IL33: variants seen among roughly 807,000 people sequenced by gnomAD.
The protein encoded by IL33 is interleukin 33.
A neutral mutation model predicts 27.3 loss-of-function variants in IL33; 37 were observed. That is an observed-to-expected ratio of 1.36 (90% confidence interval 1.04 to 1.78). The LOEUF is 1.78. IL33 is among the 40% of genes most tolerant of loss of function. The pLI is 0.00. For missense variants in IL33, 406 were observed against 311.4 expected, an observed-to-expected ratio of 1.30 and a Z score of -2.29; for synonymous variants, 132 against 102.9, an observed-to-expected ratio of 1.28 and a Z score of -1.71.
rs113609242 is a variant in IL33 at position 6,254,555 on chromosome 9, TA to T, written c.612+14del. On this transcript the variant is annotated splice_donor_region_variant and intron_variant, in intron 7 of 7. Coordinates refer to ENST00000682010, the MANE Select transcript of IL33 (RefSeq NM_033439.4). ...AACAACAAGGAACACTCTGTGGAGG[TA>T]AAAAAAAAAAATTTATCTATATCTA... is the stretch of plus-strand genomic sequence containing the variant. 52,725 of 1,190,654 alleles carry T rather than the reference TA, an allele frequency of 0.044. 68 individuals are homozygous for T. Among genetic ancestry groups the T allele is most frequent in the South Asian group, 0.048 (2,857 of 59,344 alleles). The allele number at this position is 1,190,654 out of a possible 1,614,324, so 73.8% of individuals were successfully genotyped here.
Position 6,256,999 on chromosome 9 carries a change from A to T in IL33, c.*831A>T, listed in dbSNP as rs1816772136. On this transcript the variant is annotated 3_prime_UTR_variant, in exon 8 of 8. Transcript: ENST00000682010. Reference sequence around the variant, plus strand: ...CATGCTAAAACTTTTTTTTTTTTAAAGAGTACTGAGTCACAACATGTTTTA... The same window carrying T: ...CATGCTAAAACTTTTTTTTTTTTAATGAGTACTGAGTCACAACATGTTTTA... 6.6e-6 allele frequency: 1 copy of T among 151,918 alleles called. No homozygotes were observed. The highest frequency in any genetic ancestry group is 6.6e-5 in the Admixed American group (1 of 15,252). The allele number at this position is 151,918 out of a possible 1,614,324, so 9.4% of individuals were successfully genotyped here. A position where few individuals can be genotyped will look rare whatever the true frequency, so the allele number is the denominator to read the frequency against.
At chr9:6,247,369 G>C (rs1010313624) in intron 2 of IL33, among the ~76,000 whole-genome samples, 2 of 152,158 alleles carry the variant, frequency 1.3e-5, no homozygotes, top group Non-Finnish European at 2.9e-5. Flanking sequence ...GACAGGTCAA[G>C]GGTAGTAAGC....
intron 1 of IL33, among the ~76,000 whole-genome samples, chr9:6,239,066 G>C (rs1193146201): frequency 1.3e-5 from 2 of 152,158 alleles, no homozygotes; most frequent in East Asian, 3.9e-4. Context: ...AAAGAAACCA[G>C]CTAGGCAAAT....
chr9:6,217,107 G>C (rs1237539531), intron 1 of IL33, among the ~76,000 whole-genome samples: 1 of 152,020 alleles, frequency 6.6e-6, no homozygotes, highest in Non-Finnish European at 1.5e-5. Flanking sequence ...GTGAAAAATG[G>C]TCCTCGTGTA....
intron 2 of IL33, among the ~76,000 whole-genome samples, chr9:6,244,020 A>C (rs1819686368): frequency 1.3e-5 from 2 of 152,208 alleles, no homozygotes; most frequent in African/African-American, 4.8e-5. Context: ...ACAGTGACTC[A>C]GTGACTTTGC....
chr9:6,231,160 C>G (rs1469596901), intron 1 of IL33, among the ~76,000 whole-genome samples: 1 of 152,218 alleles, frequency 6.6e-6, no homozygotes, highest in Non-Finnish European at 1.5e-5. Flanking sequence ...CTGTTTCTCA[C>G]ATGATAGTCA....
chr9:6,217,130 A>G (rs1004152550), intron 1 of IL33, among the ~76,000 whole-genome samples: 3 of 152,042 alleles, frequency 2.0e-5, no homozygotes, highest in Non-Finnish European at 4.4e-5. Context: ...CACTGAGTCT[A>G]TTTCTGGGTG....
chr9:6,238,078 C>A (rs1437238843), intron 1 of IL33, among the ~76,000 whole-genome samples: 3 of 152,078 alleles, frequency 2.0e-5, no homozygotes, highest in African/African-American at 7.2e-5. Context: ...GAGTTAAATT[C>A]CCAGTTCTGA....
At chr9:6,252,818 G>A (rs1051250298) in intron 4 of IL33, 48 bp from the exon 5 acceptor site, 16 of 1,583,402 alleles carry the variant, frequency 1.0e-5, no homozygotes, top group East Asian at 2.3e-5. Context: ...TTTTAAAAAG[G>A]TTGCCAAAAG....
intron 1 of IL33, among the ~76,000 whole-genome samples, chr9:6,217,716 A>T (rs1484331120): frequency 2.0e-5 from 3 of 152,116 alleles, no homozygotes; most frequent in Non-Finnish European, 4.4e-5. Flanking sequence ...TCTTTTCTTT[A>T]TTCCTTGCTT....
chr9:6,254,446 C>G lies in IL33; in HGVS notation c.521-16C>G, dbSNP rs757546859. 2.0e-6 allele frequency: 3 copies of G among 1,501,144 alleles called. No homozygotes were observed. Among genetic ancestry groups the G allele is most frequent in the African/African-American group, 2.8e-5 (2 of 71,590 alleles). 93.0% of individuals were successfully genotyped at this position (1,501,144 alleles called of 1,614,324 possible). On this transcript the variant is annotated splice_polypyrimidine_tract_variant and intron_variant, in intron 6 of 7. Coordinates refer to ENST00000682010, the MANE Select transcript of IL33 (RefSeq NM_033439.4). ...ACAGTTCTTAACTTTATCATTTATA[C>G]TTTCTTAATTGTAAGGTGACGGTGT... is the stretch of plus-strand genomic sequence containing the variant.
chr9:6,229,803 AAAAC>A (rs1428906810), intron 1 of IL33, among the ~76,000 whole-genome samples: 17 of 152,230 alleles, frequency 1.1e-4, no homozygotes, highest in Admixed American at 3.3e-4. Context: ...AGGAGGTAGG[AAAAC>A]AAACAGAGTT....
intron 1 of IL33, among the ~76,000 whole-genome samples, chr9:6,229,943 C>T (rs994480242): frequency 2.0e-5 from 3 of 152,056 alleles, no homozygotes; most frequent in African/African-American, 7.2e-5. Context: ...CAGAGTTTCC[C>T]AGACAAAGGG....
chr9:6,241,632 GTTTGTT>G (rs1407550101), intron 1 of IL33, 46 bp from the exon 2 acceptor site: 2 of 1,107,026 alleles, frequency 1.8e-6, no homozygotes, highest in East Asian at 2.6e-5. Context: ...AGTTGTTTCC[GTTTGTT>G]TTTAAGTTGA....
chr9:6,221,370 G>A (rs929026884), intron 1 of IL33, among the ~76,000 whole-genome samples: 2 of 152,134 alleles, frequency 1.3e-5, no homozygotes, highest in African/African-American at 4.8e-5. Context: ...AATGTTTGGA[G>A]GATACCGTGC....
intron 1 of IL33, among the ~76,000 whole-genome samples, chr9:6,234,831 G>A (rs905470907): frequency 3.9e-5 from 6 of 152,244 alleles, no homozygotes; most frequent in Non-Finnish European, 7.4e-5. Flanking sequence ...CACTCTAGAT[G>A]ATGTTTCTCA....
intron 1 of IL33, among the ~76,000 whole-genome samples, chr9:6,227,366 C>A (rs563162565): frequency 6.6e-6 from 1 of 152,274 alleles, no homozygotes; most frequent in African/African-American, 2.4e-5. Flanking sequence ...CCCATTCATG[C>A]CCCCTCAATG....
chr9:6,243,989 G>C (rs1819684695), intron 2 of IL33, among the ~76,000 whole-genome samples: 1 of 152,160 alleles, frequency 6.6e-6, no homozygotes, highest in African/African-American at 2.4e-5. Context: ...TTGTAGCTGA[G>C]TCAAAATGCT....
At chr9:6,238,907 A>G (rs1819378305) in intron 1 of IL33, among the ~76,000 whole-genome samples, 1 of 152,200 alleles carries the variant, frequency 6.6e-6, no homozygotes, top group South Asian at 2.1e-4. Context: ...TCTGCAATTT[A>G]TGATACAGAA....
Sources: allele counts gnomAD v4.1 joint callset (sites outside exome capture counted in the v4.1 genomes callset), GRCh38; gene constraint gnomAD v4.1.1; transcripts MANE v1.5; gene names NCBI Gene and HGNC (gene_info 2026-07-23, HGNC 2026-07-21).